RFX7: variants seen among roughly 807,000 people sequenced by gnomAD.
The protein encoded by RFX7 is regulatory factor X7, also known as DNA-binding protein RFX7.
Under a neutral mutation model 111.8 loss-of-function variants are expected in RFX7, and 26 were observed. The ratio of observed to expected loss-of-function variants is 0.23; its 90% CI spans 0.17 to 0.32. The LOEUF is 0.32. Among genes scored for constraint, RFX7 ranks in the 10% least tolerant of loss-of-function variants. The probability of loss-of-function intolerance (pLI) is 1.00; values close to 1 mark genes in which losing one functional copy is unlikely to be tolerated. For synonymous variants in RFX7, 624 were observed against 624.4 expected (o/e 1.00, Z 0.01); for missense variants, 1,573 against 1,772.9 (o/e 0.89, Z 2.02).
At chr15:56,214,923 AATT>A (rs2043349072) in intron 2 of RFX7, among the ~76,000 whole-genome samples, 1 of 152,120 alleles carries the variant, frequency 6.6e-6, no homozygotes, top group South Asian at 2.1e-4. Context: ...GTTAGCTTCT[AATT>A]ATTAAGTTTT....
intron 2 of RFX7, among the ~76,000 whole-genome samples, chr15:56,201,719 T>C (rs577148229): frequency 2.6e-4 from 40 of 152,288 alleles, no homozygotes; most frequent in Non-Finnish European, 2.8e-4. Flanking sequence ...AGAAATCATT[T>C]GTTTTTTGGC....
At chr15:56,218,207 T>A (rs1012499193) in intron 2 of RFX7, among the ~76,000 whole-genome samples, 1 of 125,948 alleles carries the variant, frequency 7.9e-6, no homozygotes. Flanking sequence ...CAGGCTGGAG[T>A]GCAATGGCGC....
intron 2 of RFX7, among the ~76,000 whole-genome samples, chr15:56,221,949 G>C (rs1489877931): frequency 6.6e-6 from 1 of 152,162 alleles, no homozygotes; most frequent in African/African-American, 2.4e-5. Flanking sequence ...CCTACAGAGA[G>C]ATCAATTCTG....
At chr15:56,217,173 A>G (rs2043371028) in intron 2 of RFX7, among the ~76,000 whole-genome samples, 2 of 152,226 alleles carry the variant, frequency 1.3e-5, no homozygotes, top group Admixed American at 6.5e-5. Context: ...CTATTTTAAT[A>G]GTTGTATACA....
At chr15:56,201,239 A>C (rs1267410208) in intron 2 of RFX7, among the ~76,000 whole-genome samples, 1 of 152,226 alleles carries the variant, frequency 6.6e-6, no homozygotes, top group African/African-American at 2.4e-5. Context: ...AGGGTTCAGT[A>C]TCCCAAATCT....
intron 5 of RFX7, 33 bp downstream of exon 5, chr15:56,142,745 A>G (rs1567024985): frequency 3.8e-6 from 6 of 1,595,834 alleles, no homozygotes; most frequent in East Asian, 2.2e-5. Context: ...CCTCTTTAAT[A>G]TATCAGCATG....
intron 5 of RFX7, among the ~76,000 whole-genome samples, chr15:56,112,970 C>CAGAATGGCGATTATTAAAA (rs2140945158): frequency 6.6e-6 from 1 of 152,272 alleles, no homozygotes; most frequent in Admixed American, 6.5e-5. Flanking sequence ...TCATGCCGGT[C>CAGAATGGCGATTATTAAAA]AGAATGGCGA....
chr15:56,221,231 T>G (rs185194515), intron 2 of RFX7, among the ~76,000 whole-genome samples: 3 of 152,348 alleles, frequency 2.0e-5, no homozygotes, highest in African/African-American at 7.2e-5. Flanking sequence ...ACTGGTAGTT[T>G]GATACAAATA....
intron 2 of RFX7, among the ~76,000 whole-genome samples, chr15:56,226,000 A>G (rs1195315843): frequency 6.6e-6 from 1 of 152,064 alleles, no homozygotes; most frequent in Non-Finnish European, 1.5e-5. Context: ...GAAAAAATAT[A>G]AAAAGAGGAC....
At chr15:56,104,831 A>G (rs2041808356) in intron 5 of RFX7, among the ~76,000 whole-genome samples, 2 of 152,082 alleles carry the variant, frequency 1.3e-5, no homozygotes, top group South Asian at 4.1e-4. Context: ...TAGCCCAGCA[A>G]ACACATCACC....
intron 7 of RFX7, 110 bp from the exon 8 acceptor site, chr15:56,101,676 T>C (rs920203055): frequency 1.4e-5 from 15 of 1,058,262 alleles, no homozygotes; most frequent in Admixed American, 9.6e-5. Flanking sequence ...AATCTGTGGG[T>C]TAAAGTAGTA....
Position 56,087,645 on chromosome 15 carries a change from ACTTTTAC to A in RFX7, c.*5693_*5699del. ...CTGTGTGCTCAGCTAAAAATCAAGG[ACTTTTAC>A]AGTAAAGAAGAAGGGGAGAATGCAT... On this transcript the variant is annotated 3_prime_UTR_variant, in exon 10 of 10. Transcript: ENST00000559447. 6.8e-6 allele frequency: 3 copies of A among 439,690 alleles called. No individual in the cohort carries two copies. The highest frequency in any genetic ancestry group is 1.4e-5 in the Non-Finnish European group (3 of 217,750). 27.2% of individuals were successfully genotyped at this position (439,690 alleles called of 1,614,324 possible). A position where few individuals can be genotyped will look rare whatever the true frequency, so the allele number is the denominator to read the frequency against.
rs117147494 is a variant in RFX7 at position 56,234,948 on chromosome 15, C to T, written c.161+8177G>A. 8.7e-3 allele frequency among the ~76,000 whole-genome samples: 1,332 copies of T among 152,250 alleles called. 8 individuals carry two copies. Among genetic ancestry groups the T allele is most frequent in the Non-Finnish European group, 0.014 (955 of 68,008 alleles). ...AAAAATTAAATTACACAACTCAGAT[C>T]ATTGTTCCCCTGGGAGTTGACGAAA... On this transcript the variant is annotated intron_variant, in intron 2 of 9. Coordinates refer to ENST00000559447, the MANE Select transcript of RFX7 (RefSeq NM_022841.7).
intron 3 of RFX7, among the ~76,000 whole-genome samples, chr15:56,172,598 T>G (rs181003115): frequency 6.6e-6 from 1 of 152,082 alleles, no homozygotes; most frequent in Non-Finnish European, 1.5e-5. Context: ...AGAACAGGTA[T>G]AGAATTGAGC....
intron 2 of RFX7, among the ~76,000 whole-genome samples, chr15:56,203,827 A>G (rs2043221088): frequency 6.6e-6 from 1 of 152,154 alleles, no homozygotes; most frequent in Non-Finnish European, 1.5e-5. Context: ...TCATCAAGAA[A>G]TAACCACAAA....
intron 2 of RFX7, among the ~76,000 whole-genome samples, chr15:56,213,272 A>C (rs1195412326): frequency 1.3e-5 from 2 of 152,202 alleles, no homozygotes; most frequent in South Asian, 2.1e-4. Flanking sequence ...ATAAGGGCCC[A>C]AAACTGGAAT....
chr15:56,157,283 C>G (rs2042664626), intron 3 of RFX7, among the ~76,000 whole-genome samples: 1 of 152,058 alleles, frequency 6.6e-6, no homozygotes, highest in Non-Finnish European at 1.5e-5. Flanking sequence ...AAATTTTCCC[C>G]TATTTCAGTG....
chr15:56,110,251 C>G (rs1488707627), intron 5 of RFX7, among the ~76,000 whole-genome samples: 1 of 105,634 alleles, frequency 9.5e-6, no homozygotes. Flanking sequence ...CCAGCCGCCC[C>G]GTCCGGGAGG....
chr15:56,153,561 T>A (rs1163525028), intron 3 of RFX7, among the ~76,000 whole-genome samples: 1 of 152,282 alleles, frequency 6.6e-6, no homozygotes, highest in South Asian at 2.1e-4. Context: ...ATTATCTCAA[T>A]AGATGCAGAA....
Sources: gnomAD v4.1 joint callset for allele counts (sites outside exome capture counted in the v4.1 genomes callset) on GRCh38, gnomAD v4.1.1 for gene constraint, MANE v1.5 for transcripts, NCBI Gene and HGNC (gene_info 2026-07-23, HGNC 2026-07-21) for gene names.